LRP1B: variants seen among roughly 807,000 people sequenced by gnomAD.
LRP1B encodes the protein LDL receptor related protein 1B.
A neutral mutation model predicts 556.6 loss-of-function variants in LRP1B; 217 were observed. The observed-to-expected ratio is 0.39, with a 90% CI of 0.35 to 0.44. LRP1B has a LOEUF of 0.44. Among genes scored for constraint, LRP1B ranks in the 20% least tolerant of loss-of-function variants. The pLI, the probability that LRP1B is intolerant of heterozygous loss-of-function variation, is 1.00. For missense variants in LRP1B, 5,053 were observed against 5,620.8 expected (o/e 0.90, Z 3.23); for synonymous variants, 2,047 against 1,865.8 (o/e 1.10, Z -2.50).
intron 2 of LRP1B, among the ~76,000 whole-genome samples, chr2:141,751,737 C>T (rs913404986): frequency 1.3e-5 from 2 of 151,588 alleles, no homozygotes; most frequent in Non-Finnish European, 2.9e-5. Context: ...CAAAAACAAA[C>T]ATAAATAATT....
intron 81 of LRP1B, among the ~76,000 whole-genome samples, chr2:140,323,322 A>AATAAGTCATATACAAT: frequency 6.6e-6 from 1 of 152,158 alleles, no homozygotes; most frequent in Non-Finnish European, 1.5e-5. Flanking sequence ...GGAGACTAAC[A>AATAAGTCATATACAAT]ATAAGTCATA....
At chr2:141,154,837 T>C (rs2105094109) in intron 7 of LRP1B, among the ~76,000 whole-genome samples, 1 of 152,088 alleles carries the variant, frequency 6.6e-6, no homozygotes, top group Admixed American at 6.5e-5. Flanking sequence ...AAAATCTTTC[T>C]TGTGTTATTT....
intron 2 of LRP1B, among the ~76,000 whole-genome samples, chr2:141,677,160 G>T (rs547196952): frequency 2.6e-5 from 4 of 152,006 alleles, no homozygotes; most frequent in Non-Finnish European, 5.9e-5. Context: ...CCTGAAGAAC[G>T]AATACAAATT....
At chr2:141,609,275 ACT>A (rs971245984) in intron 2 of LRP1B, among the ~76,000 whole-genome samples, 8 of 152,256 alleles carry the variant, frequency 5.3e-5, no homozygotes, top group African/African-American at 1.9e-4. Context: ...TCCACATATT[ACT>A]CTCTACTTTT....
chr2:141,815,347 C>G (rs1388949586), intron 1 of LRP1B, among the ~76,000 whole-genome samples: 2 of 152,150 alleles, frequency 1.3e-5, no homozygotes. Context: ...GTGAAGCCAG[C>G]TGGGTCGAGT....
intron 5 of LRP1B, among the ~76,000 whole-genome samples, chr2:141,245,424 G>C (rs1191062797): frequency 6.6e-6 from 1 of 152,138 alleles, no homozygotes; most frequent in African/African-American, 2.4e-5. Flanking sequence ...TGCTTAGCTA[G>C]TCTAGTCTTT....
intron 6 of LRP1B, among the ~76,000 whole-genome samples, chr2:141,198,592 TTTG>T (rs1213730394): frequency 6.6e-6 from 1 of 152,086 alleles, no homozygotes; most frequent in African/African-American, 2.4e-5. Flanking sequence ...TCTTATGCTT[TTTG>T]TTTGGGGGAG....
At chr2:140,591,386 T>C (rs962604463) in intron 43 of LRP1B, among the ~76,000 whole-genome samples, 21 of 152,356 alleles carry the variant, frequency 1.4e-4, no homozygotes, top group African/African-American at 5.0e-4. Flanking sequence ...CTCTGCTTCT[T>C]GTCTATGATT....
At chr2:141,886,165 A>T (rs1244780765) in intron 1 of LRP1B, among the ~76,000 whole-genome samples, 1 of 152,192 alleles carries the variant, frequency 6.6e-6, no homozygotes, top group Non-Finnish European at 1.5e-5. Flanking sequence ...TAAGCATTGG[A>T]TAATATCTGA....
chr2:141,018,735 ACT>A (rs1697982355), intron 12 of LRP1B, among the ~76,000 whole-genome samples: 1 of 152,128 alleles, frequency 6.6e-6, no homozygotes, highest in South Asian at 2.1e-4. Flanking sequence ...TGGAACAAAT[ACT>A]CTCTTCAAAA....
In LRP1B at chr2:140,350,925, T is replaced by C; in HGVS notation, c.11764A>G (p.Arg3922Gly). 6.2e-7 allele frequency: 1 copy of C among 1,611,188 alleles called. No individual in the cohort carries two copies. The highest frequency in any genetic ancestry group is 8.5e-7 in the Non-Finnish European group (1 of 1,177,960). ...TAATATACATCCATCCCTGTTATTC[T>C]TGAATTATGTTCAATATGAGAAATT... The part of the protein sequence containing the change: ...QQISHIEHNS[R>G]ITGMDVYYQR... Residue 3922 changes from arginine to glycine, a missense_variant, in exon 77 of 91, where the codon AGA becomes GGA. Around this residue, in one of 5 missense-constraint regions of LRP1B, gnomAD observed 599 missense variants for 648.4 expected, o/e 0.92. Transcript: ENST00000389484.
chr2:140,616,529 T>A (rs1683263276), intron 41 of LRP1B, among the ~76,000 whole-genome samples: 1 of 150,992 alleles, frequency 6.6e-6, no homozygotes, highest in African/African-American at 2.4e-5. Context: ...AAAAAGTCAG[T>A]TTCTAAATGA....
intron 1 of LRP1B, among the ~76,000 whole-genome samples, chr2:141,850,880 G>T (rs1697827950): frequency 6.6e-6 from 1 of 151,484 alleles, no homozygotes; most frequent in Admixed American, 6.6e-5. Flanking sequence ...AAAAATCAAA[G>T]GAATCCTACA....
intron 20 of LRP1B, among the ~76,000 whole-genome samples, chr2:140,945,733 T>C (rs1340694555): frequency 6.6e-6 from 1 of 152,118 alleles, no homozygotes; most frequent in Non-Finnish European, 1.5e-5. Context: ...GAGACTTAAA[T>C]GTAAAACTTT....
chr2:141,327,233 C>A (rs1194851004), intron 3 of LRP1B, among the ~76,000 whole-genome samples: 1 of 152,046 alleles, frequency 6.6e-6, no homozygotes, highest in Non-Finnish European at 1.5e-5. Context: ...ATTGAGTTAC[C>A]TGAAGGACAT....
chr2:141,143,152 A>G (rs1701698350), intron 7 of LRP1B, among the ~76,000 whole-genome samples: 1 of 151,916 alleles, frequency 6.6e-6, no homozygotes, highest in Admixed American at 6.6e-5. Context: ...GATGGTCTCA[A>G]TCTCCTGACC....
chr2:141,716,779 T>C (rs1692610155), intron 2 of LRP1B, among the ~76,000 whole-genome samples: 1 of 152,218 alleles, frequency 6.6e-6, no homozygotes, highest in Non-Finnish European at 1.5e-5. Flanking sequence ...GATTCTAGAC[T>C]AATATGTCTA....
intron 2 of LRP1B, among the ~76,000 whole-genome samples, chr2:141,676,932 T>C (rs752783601): frequency 6.6e-6 from 1 of 152,172 alleles, no homozygotes; most frequent in Non-Finnish European, 1.5e-5. Flanking sequence ...GCAAAACTAC[T>C]AGAGATATGA....
At chr2:141,839,617 C>T (rs1193723129) in intron 1 of LRP1B, among the ~76,000 whole-genome samples, 1 of 152,120 alleles carries the variant, frequency 6.6e-6, no homozygotes, top group Non-Finnish European at 1.5e-5. Context: ...GGTTCCTTTT[C>T]TTGACTATAC....
Sources: allele counts gnomAD v4.1 joint callset (sites outside exome capture counted in the v4.1 genomes callset), GRCh38; gene constraint gnomAD v4.1.1; regional missense constraint gnomAD v4.1.1; transcripts MANE v1.5; gene names NCBI Gene and HGNC (gene_info 2026-07-23, HGNC 2026-07-21).